Variants in CBFB observed in about 807,000 individuals in gnomAD.
CBFB encodes CBF-beta.
CBFB carries 9 observed loss-of-function variants against 30.4 expected under a neutral mutation model. The observed-to-expected ratio is 0.30, with a 90% CI of 0.18 to 0.52. The LOEUF (loss-of-function observed/expected upper bound fraction) is 0.52, where lower values mean the gene tolerates loss of function less well. CBFB is among the 20% of genes least tolerant of loss of function. CBFB has a pLI of 0.97. For missense variants in CBFB, 170 were observed against 244.0 expected, an observed-to-expected ratio of 0.70 and a Z score of 2.02; for synonymous variants, 94 against 84.0, an observed-to-expected ratio of 1.12 and a Z score of -0.65.
intron 3 of CBFB, among the ~76,000 whole-genome samples, chr16:67,038,297 T>TAC (rs931607267): frequency 1.3e-5 from 2 of 151,144 alleles, no homozygotes; most frequent in East Asian, 1.9e-4. Context: ...TATATATATA[T>TAC]ACACGTATAT....
At chr16:67,076,343 A>G (rs1448060108) in intron 4 of CBFB, among the ~76,000 whole-genome samples, 1 of 152,180 alleles carries the variant, frequency 6.6e-6, no homozygotes, top group Non-Finnish European at 1.5e-5. Flanking sequence ...GCAGTGAGCC[A>G]TGATTGCTCT....
intron 3 of CBFB, among the ~76,000 whole-genome samples, chr16:67,066,323 A>C (rs537278635): frequency 3.3e-5 from 5 of 150,318 alleles, no homozygotes; most frequent in Non-Finnish European, 7.4e-5. Context: ...AAAGGCTGGC[A>C]GATTGCCTGA....
chr16:67,042,158 A>C (rs1966543127), intron 3 of CBFB, among the ~76,000 whole-genome samples: 1 of 152,124 alleles, frequency 6.6e-6, no homozygotes, highest in South Asian at 2.1e-4. Context: ...TCCTGACCTC[A>C]AGTGATCCTC....
At chr16:67,082,071 G>A (rs151077148) in intron 4 of CBFB, 142 bp from the exon 5 acceptor site, 6,951 of 452,788 alleles carry the variant, frequency 0.015, 82 homozygotes, top group Non-Finnish European at 0.018. Flanking sequence ...TGCCCGCCTC[G>A]GCCTCCCAAA....
intron 2 of CBFB, among the ~76,000 whole-genome samples, chr16:67,033,653 CCAGGCTGGAGTG>C (rs1966392709): frequency 6.6e-6 from 1 of 150,472 alleles, no homozygotes; most frequent in African/African-American, 2.4e-5. Context: ...GCTCTGTCGC[CCAGGCTGGAGTG>C]CAGTGGCACG....
At chr16:67,042,798 C>T (rs759675938) in intron 3 of CBFB, among the ~76,000 whole-genome samples, 1 of 152,048 alleles carries the variant, frequency 6.6e-6, no homozygotes, top group African/African-American at 2.4e-5. Flanking sequence ...AGTGCAGTGG[C>T]GTAATCTCAG....
At chr16:67,079,514 T>TC in intron 4 of CBFB, among the ~76,000 whole-genome samples, 2 of 119,602 alleles carry the variant, frequency 1.7e-5, no homozygotes, top group African/African-American at 6.7e-5. Context: ...AGGCCCTGGG[T>TC]CTTTTTTTTT....
At chr16:67,055,592 G>A (rs986060141) in intron 3 of CBFB, among the ~76,000 whole-genome samples, 2 of 151,742 alleles carry the variant, frequency 1.3e-5, no homozygotes, top group African/African-American at 2.4e-5. Flanking sequence ...TCCTGACCTC[G>A]TGATCCATCT....
intron 3 of CBFB, among the ~76,000 whole-genome samples, chr16:67,036,992 A>C (rs1385599600): frequency 1.3e-5 from 2 of 151,876 alleles, no homozygotes; most frequent in African/African-American, 2.4e-5. Context: ...TCCGCCTTCC[A>C]GTTTCAAGCG....
chr16:67,097,739 T>A (rs1962095747), intron 5 of CBFB, among the ~76,000 whole-genome samples: 1 of 152,178 alleles, frequency 6.6e-6, no homozygotes, highest in South Asian at 2.1e-4. Context: ...ATAATAGCAC[T>A]TATGTCATAG....
At chr16:67,046,587 T>C (rs1162954874) in intron 3 of CBFB, among the ~76,000 whole-genome samples, 1 of 152,214 alleles carries the variant, frequency 6.6e-6, no homozygotes, top group Non-Finnish European at 1.5e-5. Flanking sequence ...AGTGTACAAG[T>C]CTGTGACAAC....
chr16:67,063,361 T>C (rs1960963405), intron 3 of CBFB, among the ~76,000 whole-genome samples: 1 of 152,224 alleles, frequency 6.6e-6, no homozygotes, highest in African/African-American at 2.4e-5. Flanking sequence ...TTGTGGTTTA[T>C]TGCAGCCCTT....
chr16:67,048,046 G>A (rs915844138), intron 3 of CBFB, among the ~76,000 whole-genome samples: 2 of 151,918 alleles, frequency 1.3e-5, no homozygotes, highest in Non-Finnish European at 2.9e-5. Context: ...TCCAGCCTGG[G>A]AACAAAATTC....
intron 5 of CBFB, 153 bp downstream of exon 5, chr16:67,082,461 A>G: frequency 1.3e-6 from 1 of 783,272 alleles, no homozygotes; most frequent in Non-Finnish European, 1.9e-6. Flanking sequence ...TGTTTATTAA[A>G]TGTAATTGCT....
chr16:67,038,990 G>A (rs945199536), intron 3 of CBFB, among the ~76,000 whole-genome samples: 5 of 152,126 alleles, frequency 3.3e-5, no homozygotes, highest in African/African-American at 1.2e-4. Context: ...CCATTGAGAT[G>A]TTTTTAGTTA....
At chr16:67,054,175 G>GT (rs1233778600) in intron 3 of CBFB, among the ~76,000 whole-genome samples, 1 of 151,904 alleles carries the variant, frequency 6.6e-6, no homozygotes, top group African/African-American at 2.4e-5. Context: ...CTGTCTTCCT[G>GT]TTTCTTGGTT....
At chr16:67,061,923 T>C (rs957202180) in intron 3 of CBFB, among the ~76,000 whole-genome samples, 1 of 151,878 alleles carries the variant, frequency 6.6e-6, no homozygotes, top group Non-Finnish European at 1.5e-5. Flanking sequence ...TCTCAGATAC[T>C]TGGGAGGCTG....
intron 4 of CBFB, among the ~76,000 whole-genome samples, chr16:67,078,105 G>T (rs774465856): frequency 6.6e-6 from 1 of 152,194 alleles, no homozygotes; most frequent in Non-Finnish European, 1.5e-5. Flanking sequence ...ATTAGCAGGT[G>T]CCCTTTATGC....
chr16:67,088,622 A>C (rs553960690), intron 5 of CBFB, among the ~76,000 whole-genome samples: 5 of 152,366 alleles, frequency 3.3e-5, no homozygotes, highest in Non-Finnish European at 7.3e-5. Flanking sequence ...TGCCTGGAAT[A>C]GAAAAGGCTG....
Sources: allele counts gnomAD v4.1 joint callset (sites outside exome capture counted in the v4.1 genomes callset), GRCh38; gene constraint gnomAD v4.1.1; transcripts MANE v1.5; gene names NCBI Gene and HGNC (gene_info 2026-07-23, HGNC 2026-07-21).